Variants in FAM168B observed in about 807,000 individuals in gnomAD.
FAM168B encodes family with sequence similarity 168 member B.
FAM168B carries 19 observed loss-of-function variants against 21.8 expected under a neutral mutation model. That is an observed-to-expected ratio of 0.87 (90% confidence interval 0.61 to 1.28). FAM168B has a LOEUF of 1.28. Among genes scored for constraint, FAM168B ranks in the 50% most tolerant of loss-of-function variants. The probability of loss-of-function intolerance (pLI) is 0.00; values close to 1 mark genes in which losing one functional copy is unlikely to be tolerated. For synonymous variants in FAM168B, 126 were observed against 104.8 expected (o/e 1.20, Z -1.24); for missense variants, 233 against 263.1 (o/e 0.89, Z 0.79).
chr2:131,091,287 C>G (rs894426124), intron 1 of FAM168B, among the ~76,000 whole-genome samples: 1 of 151,474 alleles, frequency 6.6e-6, no homozygotes, highest in Non-Finnish European at 1.5e-5. Context: ...TGCAGTGAGC[C>G]GAGATCACTC....
chr2:131,088,546 T>C (rs953578870), intron 1 of FAM168B, among the ~76,000 whole-genome samples: 46 of 152,310 alleles, frequency 3.0e-4, no homozygotes, highest in Admixed American at 1.4e-3. Flanking sequence ...TTTAAAGATA[T>C]CTGGGACACG....
At chr2:131,092,237 A>G (rs541361469) in intron 1 of FAM168B, among the ~76,000 whole-genome samples, 3 of 152,308 alleles carry the variant, frequency 2.0e-5, no homozygotes, top group African/African-American at 7.2e-5. Context: ...GAACTCCACC[A>G]AAGTAAGCCT....
intron 2 of FAM168B, among the ~76,000 whole-genome samples, chr2:131,081,852 T>C (rs907310861): frequency 2.0e-5 from 3 of 152,220 alleles, no homozygotes; most frequent in African/African-American, 4.8e-5. Context: ...GCAAGTTCAG[T>C]TATACATTTG....
At chr2:131,067,800 GA>G (rs999299858) in intron 3 of FAM168B, among the ~76,000 whole-genome samples, 19 of 152,004 alleles carry the variant, frequency 1.2e-4, no homozygotes, top group African/African-American at 4.1e-4. Context: ...CAGGAAGGGA[GA>G]AAAACTTCTC....
intron 3 of FAM168B, among the ~76,000 whole-genome samples, chr2:131,058,220 T>C (rs926627577): frequency 1.3e-5 from 2 of 152,152 alleles, no homozygotes; most frequent in African/African-American, 4.8e-5. Context: ...GCCTTTTGTT[T>C]GGGGTGCCAG....
intron 2 of FAM168B, 150 bp downstream of exon 2, chr2:131,082,427 G>C: frequency 1.7e-6 from 1 of 604,900 alleles, no homozygotes; most frequent in South Asian, 2.2e-5. Context: ...ACCAAATCCA[G>C]TCCTATCATT....
chr2:131,064,448 A>C lies in FAM168B; in HGVS notation c.154+7407T>G, dbSNP rs557300142. Among the ~76,000 whole-genome samples, 4 of 152,298 alleles carry C rather than the reference A, an allele frequency of 2.6e-5. No homozygotes were observed. The South Asian group carries it at 8.3e-4, about 32-fold the overall frequency. ...GCAAAGAAAAACCAAGGTTACACTC[A>C]ATCAGGCACCAACAAGGTACCCCAA... On this transcript the variant is annotated intron_variant, in intron 3 of 6. Transcript: ENST00000389915.
At chr2:131,072,631 G>A (rs978932227) in intron 2 of FAM168B, among the ~76,000 whole-genome samples, 4 of 151,270 alleles carry the variant, frequency 2.6e-5, no homozygotes, top group African/African-American at 9.7e-5. Context: ...GCTAATTTTT[G>A]TATTTTTAGT....
chr2:131,085,800 C>A lies in FAM168B; in HGVS notation c.-11-3143G>T, dbSNP rs571470202. On this transcript the variant is annotated intron_variant, in intron 1 of 6. Transcript: ENST00000389915. ...GCTACGTGATAGGTCTTGACCAGCACTGACCAACAAAACTTTGTACAATGA... is the reference window on the plus strand; with the variant it reads ...GCTACGTGATAGGTCTTGACCAGCAATGACCAACAAAACTTTGTACAATGA... 1.5e-4 allele frequency among the ~76,000 whole-genome samples: 23 copies of A among 152,356 alleles called. No individual in the cohort carries two copies. In the South Asian group the frequency reaches 4.8e-3, roughly 32 times the overall value.
chr2:131,055,602 G>A lies in FAM168B; in HGVS notation c.248C>T (p.Ala83Val). 6.2e-7 allele frequency: 1 copy of A among 1,611,112 alleles called. No homozygotes were observed. The highest frequency in any genetic ancestry group is 8.5e-7 in the Non-Finnish European group (1 of 1,178,548). ...YSSSPNPYQTAVYPVRSAYPQ... is the reference protein window; with the variant it reads ...YSSSPNPYQTVVYPVRSAYPQ... ...GTAGGCACTTCGCACAGGGTACACGGCAGTCTGGTAGGGGTTCGGGGAGGA... is the reference window on the plus strand; with the variant it reads ...GTAGGCACTTCGCACAGGGTACACGACAGTCTGGTAGGGGTTCGGGGAGGA... The change falls in exon 4 of 7, where the codon GCC becomes GTC. Residue 83 changes from alanine (A) to valine (V), a missense_variant. Ala to Val is a moderately conservative substitution (Grantham distance 64, BLOSUM62 0). Transcript: ENST00000389915.
intron 5 of FAM168B, among the ~76,000 whole-genome samples, chr2:131,054,849 C>A (rs377268705): frequency 3.3e-5 from 5 of 152,148 alleles, no homozygotes; most frequent in Non-Finnish European, 7.3e-5. Flanking sequence ...CTTCTATCAA[C>A]GCAAGACCAG....
At position 131,073,060 on chromosome 2, in the gene FAM168B, T is replaced by C. The variant is rs141578979; in HGVS notation, c.71-1122A>G. Among the ~76,000 whole-genome samples the C allele has an allele frequency of 4.6e-5, 7 of 152,320 alleles. No homozygotes were observed. The East Asian group carries it at 1.2e-3, about 25-fold the overall frequency. Reference sequence around the variant, plus strand: ...TTTGTTGTAAGAAACTGTTTTAAACTTCTAAATTCATTTCAGGTTTTTTCA... The same window carrying C: ...TTTGTTGTAAGAAACTGTTTTAAACCTCTAAATTCATTTCAGGTTTTTTCA... On this transcript the variant is annotated intron_variant, in intron 2 of 6. Coordinates refer to ENST00000389915, the MANE Select transcript of FAM168B (RefSeq NM_001009993.4).
intron 3 of FAM168B, among the ~76,000 whole-genome samples, chr2:131,064,055 C>T (rs906650239): frequency 6.6e-6 from 1 of 152,124 alleles, no homozygotes; most frequent in African/African-American, 2.4e-5. Context: ...TCTCCCTCCC[C>T]AGGAAGCCCA....
chr2:131,050,549 CTT>C lies in FAM168B; in HGVS notation c.*1914_*1915del, dbSNP rs1491192879. On this transcript the variant is annotated 3_prime_UTR_variant, in exon 7 of 7. Transcript: ENST00000389915. ...AGTGCTCATGAAGCAATTTAAAGTA[CTT>C]ATCAGTAAACATTCTATGTTAATAG... The C allele has an allele frequency of 9.1e-6, 9 of 985,650 alleles. No homozygotes were observed. Among genetic ancestry groups the C allele is most frequent in the Non-Finnish European group, 1.1e-5 (9 of 829,936 alleles). The allele number at this position is 985,650 out of a possible 1,614,324, so 61.1% of individuals were successfully genotyped here. A position where few individuals can be genotyped will look rare whatever the true frequency, so the allele number is the denominator to read the frequency against.
intron 3 of FAM168B, among the ~76,000 whole-genome samples, chr2:131,064,716 G>C (rs971064996): frequency 6.6e-6 from 1 of 152,128 alleles, no homozygotes; most frequent in Non-Finnish European, 1.5e-5. Context: ...AAAGAACTCA[G>C]GCAGAAGGGA....
At position 131,091,840 on chromosome 2, in the gene FAM168B, T is replaced by A. The variant is rs76031068; in HGVS notation, c.-12+1374A>T. Among the ~76,000 whole-genome samples the A allele has an allele frequency of 7.1e-3, 1,082 of 151,516 alleles. 4 individuals carry two copies. The highest frequency in any genetic ancestry group is 0.011 in the Non-Finnish European group (743 of 67,830). On this transcript the variant is annotated intron_variant, in intron 1 of 6. Transcript: ENST00000389915. ...ACGCTGGTGTACTGTTCTTTTAAAA[T>A]TGTGCTCGGCCAGGCGCGGTGGCTC...
At chr2:131,062,384 A>G (rs535508338) in intron 3 of FAM168B, among the ~76,000 whole-genome samples, 1 of 152,300 alleles carries the variant, frequency 6.6e-6, no homozygotes, top group Non-Finnish European at 1.5e-5. Flanking sequence ...TTCTACTGGA[A>G]GCCTCCCACT....
chr2:131,078,331 A>T (rs549263728), intron 2 of FAM168B, among the ~76,000 whole-genome samples: 1 of 152,362 alleles, frequency 6.6e-6, no homozygotes, highest in South Asian at 2.1e-4. Flanking sequence ...AGCAAATTAG[A>T]GCAGAATTAG....
intron 3 of FAM168B, among the ~76,000 whole-genome samples, chr2:131,060,555 C>T (rs542563177): frequency 2.6e-5 from 4 of 152,098 alleles, no homozygotes; most frequent in Non-Finnish European, 4.4e-5. Flanking sequence ...TGATTCCAAA[C>T]GTTTTTTAAA....
Sources: allele counts gnomAD v4.1 joint callset (sites outside exome capture counted in the v4.1 genomes callset), GRCh38; gene constraint gnomAD v4.1.1; transcripts MANE v1.5; gene names NCBI Gene and HGNC (gene_info 2026-07-23, HGNC 2026-07-21).